LIN9: variants seen among roughly 807,000 people sequenced by gnomAD.
LIN9 encodes protein lin-9 homolog.
LIN9 carries 18 observed loss-of-function variants against 78.0 expected under a neutral mutation model. That is an observed-to-expected ratio of 0.23 (90% CI 0.16 to 0.34). LIN9 has a LOEUF of 0.34. LIN9 is among the 10% of genes least tolerant of loss of function. The pLI, the probability that LIN9 is intolerant of heterozygous loss-of-function variation, is 1.00. For synonymous variants in LIN9, 192 were observed against 215.2 expected, an observed-to-expected ratio of 0.89 and a Z score of 0.94; for missense variants, 451 against 644.1, an observed-to-expected ratio of 0.70 and a Z score of 3.25.
chr1:226,270,199 T>G (rs971048105), intron 7 of LIN9, among the ~76,000 whole-genome samples: 4 of 152,128 alleles, frequency 2.6e-5, no homozygotes, highest in Admixed American at 2.6e-4. Context: ...GTGTTGGGAT[T>G]ACAGGCGTGA....
chr1:226,309,485 C>T, upstream of LIN9: 13 of 1,113,496 alleles, frequency 1.2e-5, no homozygotes, highest in South Asian at 1.9e-5. Flanking sequence ...GCGCATGTTC[C>T]GCGGCCCGCG....
intron 10 of LIN9, among the ~76,000 whole-genome samples, chr1:226,251,375 C>T (rs1658827122): frequency 6.6e-6 from 1 of 151,990 alleles, no homozygotes. Context: ...TTACAGGCAC[C>T]CGCCACCATG....
chr1:226,261,162 A>C (rs1659562270), intron 10 of LIN9, among the ~76,000 whole-genome samples: 1 of 152,184 alleles, frequency 6.6e-6, no homozygotes, highest in African/African-American at 2.4e-5. Flanking sequence ...ATCTACAAAA[A>C]AACCTCATGT....
At chr1:226,264,691 C>CA (rs1158191687) in intron 10 of LIN9, among the ~76,000 whole-genome samples, 4 of 151,522 alleles carry the variant, frequency 2.6e-5, no homozygotes, top group South Asian at 2.1e-4. Flanking sequence ...ATTAAAATTA[C>CA]AAAAAAAATT....
intron 6 of LIN9, 135 bp downstream of exon 6, chr1:226,286,198 C>T (rs1442463789): frequency 1.3e-6 from 1 of 777,044 alleles, no homozygotes; most frequent in Non-Finnish European, 2.0e-6. Flanking sequence ...GGTGTAATCA[C>T]AGCATACTAC....
rs1318270596 is a variant in LIN9, at chr1:226,250,832, T to C, written c.1119+7A>G. 1 of 1,417,684 alleles carries C rather than the reference T, an allele frequency of 7.1e-7. No individual in the cohort carries two copies. The highest frequency in any genetic ancestry group is 9.8e-7 in the Non-Finnish European group (1 of 1,017,272). 87.8% of individuals were successfully genotyped at this position (1,417,684 alleles called of 1,614,324 possible). ...GCAAATGAAGAAAAAAAAAGAGAAA[T>C]TCTTACCAATTTTTCTGCTTCTGTG... On this transcript the variant is annotated splice_region_variant and intron_variant, in intron 11 of 14. Coordinates refer to ENST00000681046, the MANE Select transcript of LIN9 (RefSeq NM_001366245.2).
intron 9 of LIN9, 42 bp downstream of exon 9, chr1:226,266,171 T>A: frequency 7.2e-7 from 1 of 1,387,964 alleles, no homozygotes; most frequent in Non-Finnish European, 9.7e-7. Flanking sequence ...TTCACCTTCA[T>A]AAAAATCAAT....
At position 226,238,627 on chromosome 1, in the gene LIN9, C is replaced by CA. The variant is rs201095062; in HGVS notation, c.1245+343dup. ...TGGTCAACAGAGCTAGACCCTGTCT[C>CA]AAAAAAAATAAATAAATAAATAAAG... On this transcript the variant is annotated intron_variant, in intron 12 of 14. Coordinates refer to ENST00000681046, the MANE Select transcript of LIN9 (RefSeq NM_001366245.2). Among the ~76,000 whole-genome samples, 389 of 142,282 alleles carry CA rather than the reference C, an allele frequency of 2.7e-3. 2 individuals are homozygous for CA. The highest frequency in any genetic ancestry group is 5.5e-3 in the African/African-American group (210 of 38,044). The allele number at this position is 142,282 out of a possible 152,430, so 93.3% of individuals were successfully genotyped here. A position where few individuals can be genotyped will look rare whatever the true frequency, so the allele number is the denominator to read the frequency against.
intron 12 of LIN9, among the ~76,000 whole-genome samples, chr1:226,237,408 G>A (rs975783507): frequency 4.6e-5 from 7 of 152,166 alleles, no homozygotes; most frequent in Middle Eastern, 3.4e-3. Flanking sequence ...TGAGGCAGGC[G>A]GATCACCTGA....
intron 3 of LIN9, among the ~76,000 whole-genome samples, chr1:226,297,466 T>C (rs1315094943): frequency 1.3e-5 from 2 of 152,216 alleles, no homozygotes; most frequent in Admixed American, 6.5e-5. Context: ...CTAATAAAAG[T>C]ATAAGTTGTA....
chr1:226,243,592 A>C (rs1401747512), intron 11 of LIN9, among the ~76,000 whole-genome samples: 3 of 146,932 alleles, frequency 2.0e-5, no homozygotes, highest in Non-Finnish European at 4.5e-5. Context: ...GCTACTTGGG[A>C]GGTTGAGGCA....
chr1:226,302,231 T>C (rs990949271), intron 1 of LIN9, among the ~76,000 whole-genome samples: 3 of 152,014 alleles, frequency 2.0e-5, no homozygotes, highest in Admixed American at 6.6e-5. Context: ...ATAGGATCTA[T>C]GGGTAGGGAA....
rs546890462 is a variant in LIN9, at chr1:226,282,543, G to A, written c.524+3790C>T. 5.9e-5 allele frequency among the ~76,000 whole-genome samples: 9 copies of A among 152,284 alleles called. No homozygotes were observed. The South Asian group carries it at 8.3e-4, about 14-fold the overall frequency. ...GATAGTTAAAAGCAGTATCTCGGCC[G>A]GGCGCGGTGGCTCACGCCTGTGATC... On this transcript the variant is annotated intron_variant, in intron 6 of 14. Coordinates refer to ENST00000681046, the MANE Select transcript of LIN9 (RefSeq NM_001366245.2).
chr1:226,245,436 C>A (rs1436156383), intron 11 of LIN9, among the ~76,000 whole-genome samples: 1 of 151,614 alleles, frequency 6.6e-6, no homozygotes, highest in Non-Finnish European at 1.5e-5. Flanking sequence ...TTTCCCCCCC[C>A]CCAAGAAACA....
intron 4 of LIN9, among the ~76,000 whole-genome samples, chr1:226,288,678 G>C (rs1428266906): frequency 2.0e-5 from 3 of 151,940 alleles, no homozygotes; most frequent in Admixed American, 1.3e-4. Flanking sequence ...CACAAAAATG[G>C]ACATAAACAA....
chr1:226,273,635 G>A (rs904325799), intron 7 of LIN9, among the ~76,000 whole-genome samples: 1 of 151,610 alleles, frequency 6.6e-6, no homozygotes, highest in African/African-American at 2.4e-5. Context: ...TTTTAAAAAG[G>A]CAGTTCCCAA....
At chr1:226,255,487 TTCCTTTTACA>T (rs1261718677) in intron 10 of LIN9, among the ~76,000 whole-genome samples, 1 of 152,156 alleles carries the variant, frequency 6.6e-6, no homozygotes, top group African/African-American at 2.4e-5. Context: ...GCTGACACAG[TTCCTTTTACA>T]TAGTACATCA....
chr1:226,251,703 A>T (rs986975026), intron 10 of LIN9, among the ~76,000 whole-genome samples: 1 of 152,220 alleles, frequency 6.6e-6, no homozygotes, highest in African/African-American at 2.4e-5. Flanking sequence ...ACCGACAAGC[A>T]AATATTATTT....
Position 226,265,697 on chromosome 1 carries a change from ATTT to A in LIN9, c.937-66_937-64del, listed in dbSNP as rs1412641697. ...TTCAGAGGAAGTATCTTATTTTTTT[ATTT>A]TTATTTTTTTTTAGACGGAGTCTCG... On this transcript the variant is annotated intron_variant, in intron 9 of 14. Transcript: ENST00000681046. This position sits in a 1 kb window ranked among gnomAD's most constrained non-coding sequence, Gnocchi z 4.1. 5 of 925,590 alleles carry A rather than the reference ATTT, an allele frequency of 5.4e-6. No individual in the cohort carries two copies. Among genetic ancestry groups the A allele is most frequent in the Non-Finnish European group, 8.3e-6 (5 of 605,122 alleles). 57.3% of individuals were successfully genotyped at this position (925,590 alleles called of 1,614,324 possible). A position where few individuals can be genotyped will look rare whatever the true frequency, so the allele number is the denominator to read the frequency against.
Sources: gnomAD v4.1 joint callset for allele counts (sites outside exome capture counted in the v4.1 genomes callset) on GRCh38, gnomAD v4.1.1 for gene constraint, Gnocchi (gnomAD v3.1) non-coding constraint, MANE v1.5 for transcripts, NCBI Gene and HGNC (gene_info 2026-07-23, HGNC 2026-07-21) for gene names.